SOX5: variants seen among roughly 807,000 people sequenced by gnomAD.
The protein encoded by SOX5 is SRY-box transcription factor 5, also known as transcription factor SOX-5.
In SOX5, 9 loss-of-function variants were observed where a neutral mutation model predicts 92.0. The ratio of observed to expected loss-of-function variants is 0.10; its 90% confidence interval spans 0.06 to 0.17. The LOEUF (loss-of-function observed/expected upper bound fraction) is 0.17. Ranked by LOEUF, SOX5 falls within the 10% of genes least tolerant of loss-of-function variation. The pLI is 1.00. For missense variants in SOX5, 642 were observed against 944.5 expected (o/e 0.68, Z 4.20); for synonymous variants, 344 against 336.3 (o/e 1.02, Z -0.25).
chr12:24,301,128 G>T (rs540985398), intron 2 of SOX5, among the ~76,000 whole-genome samples: 1 of 152,188 alleles, frequency 6.6e-6, no homozygotes, highest in South Asian at 2.1e-4. Flanking sequence ...CAAGCAGCCC[G>T]CAAGCTCTGC....
rs565264456 is a variant in SOX5 at position 23,877,074 on chromosome 12, T to C, written c.270+18719A>G. 3.9e-5 allele frequency among the ~76,000 whole-genome samples: 6 copies of C among 152,260 alleles called. No individual in the cohort carries two copies. In the East Asian group the frequency reaches 1.2e-3, roughly 29 times the overall value. On this transcript the variant is annotated intron_variant, in intron 2 of 14. Coordinates refer to ENST00000451604, the MANE Select transcript of SOX5 (RefSeq NM_006940.6). The stretch of plus-strand genomic sequence containing the variant: ...GGTTGATGGGTACAGCATACCACTA[T>C]GGCACCTGTATACCTATGTAACAAA...
intron 1 of SOX5, among the ~76,000 whole-genome samples, chr12:24,551,535 G>A (rs1050215034): frequency 9.9e-5 from 15 of 152,142 alleles, no homozygotes; most frequent in African/African-American, 3.6e-4. Flanking sequence ...AAGCGCTGTC[G>A]TTTGTTCAAT....
At chr12:24,376,125 C>T (rs907881245) in intron 1 of SOX5, among the ~76,000 whole-genome samples, 4 of 152,348 alleles carry the variant, frequency 2.6e-5, no homozygotes, top group Admixed American at 2.0e-4. Flanking sequence ...AAATCTAAAA[C>T]TGTCATAAAT....
At chr12:24,451,877 A>T (rs1942363577) in intron 1 of SOX5, among the ~76,000 whole-genome samples, 1 of 152,250 alleles carries the variant, frequency 6.6e-6, no homozygotes, top group Admixed American at 6.5e-5. Flanking sequence ...TATAGATGCC[A>T]TTAGAAAAGT....
At chr12:23,543,485 A>C in intron 12 of SOX5, 101 bp from the exon 13 acceptor site, 1 of 860,852 alleles carries the variant, frequency 1.2e-6, no homozygotes, top group Non-Finnish European at 1.8e-6. Context: ...TGAAAAGAAA[A>C]AGTACTTCTG....
intron 3 of SOX5, among the ~76,000 whole-genome samples, chr12:23,826,793 T>C (rs1047484453): frequency 2.2e-4 from 34 of 152,222 alleles, no homozygotes; most frequent in Admixed American, 1.4e-3. Flanking sequence ...GTCTTCCACA[T>C]GACTAATGTC....
At chr12:24,051,943 C>T (rs1463353321) in intron 4 of SOX5, among the ~76,000 whole-genome samples, 1 of 152,146 alleles carries the variant, frequency 6.6e-6, no homozygotes, top group Non-Finnish European at 1.5e-5. Context: ...TATCAATATC[C>T]ATTTAATTTC....
At chr12:24,022,123 T>C (rs7134700) in intron 4 of SOX5, among the ~76,000 whole-genome samples, 7,198 of 152,200 alleles carry the variant, frequency 0.047, 200 homozygotes, top group Admixed American at 0.066. Context: ...GTGAGACAGA[T>C]CATAAACAAA....
chr12:24,167,869 G>A (rs1168089199), intron 4 of SOX5, among the ~76,000 whole-genome samples: 4 of 152,170 alleles, frequency 2.6e-5, no homozygotes, highest in Non-Finnish European at 5.9e-5. Flanking sequence ...AGGGCAAGGT[G>A]GGGCTGAGAG....
intron 2 of SOX5, among the ~76,000 whole-genome samples, chr12:24,364,116 G>C (rs1355154926): frequency 6.6e-6 from 1 of 152,108 alleles, no homozygotes; most frequent in African/African-American, 2.4e-5. Context: ...GAGTCCTAAA[G>C]TGAAACTCAA....
chr12:23,853,923 A>AT (rs1191624056), intron 2 of SOX5, among the ~76,000 whole-genome samples: 2 of 152,110 alleles, frequency 1.3e-5, no homozygotes, highest in South Asian at 4.1e-4. Flanking sequence ...AAATCAAAAC[A>AT]TTTTCCTTTT....
chr12:23,874,550 T>C (rs1443185641), intron 2 of SOX5, among the ~76,000 whole-genome samples: 2 of 152,190 alleles, frequency 1.3e-5, no homozygotes, highest in African/African-American at 4.8e-5. Flanking sequence ...CAGTAAAGAC[T>C]TGTCATGTAA....
At chr12:23,569,215 T>G (rs1947707093) in intron 10 of SOX5, among the ~76,000 whole-genome samples, 1 of 151,988 alleles carries the variant, frequency 6.6e-6, no homozygotes, top group African/African-American at 2.4e-5. Flanking sequence ...AAATATCTAT[T>G]TATCTCTCTA....
At chr12:24,123,789 AG>A (rs1948848490) in intron 4 of SOX5, among the ~76,000 whole-genome samples, 1 of 152,232 alleles carries the variant, frequency 6.6e-6, no homozygotes, top group Admixed American at 6.5e-5. Flanking sequence ...TGTGTACCAA[AG>A]CAAACTGCAT....
chr12:23,633,102 C>A (rs2078764818), intron 8 of SOX5, among the ~76,000 whole-genome samples: 1 of 151,974 alleles, frequency 6.6e-6, no homozygotes, highest in South Asian at 2.1e-4. Context: ...TTGGAGTCAA[C>A]ATTTTTGGCT....
At chr12:23,828,763 A>G (rs572866754) in intron 3 of SOX5, among the ~76,000 whole-genome samples, 1 of 152,282 alleles carries the variant, frequency 6.6e-6, no homozygotes, top group South Asian at 2.1e-4. Context: ...CAAAAAAAAA[A>G]AAAAGCACTT....
chr12:23,844,931 C>G (rs1464157165), intron 3 of SOX5, among the ~76,000 whole-genome samples: 3 of 152,176 alleles, frequency 2.0e-5, no homozygotes, highest in Non-Finnish European at 4.4e-5. Context: ...ACAAGAATAT[C>G]TCTAAAATTC....
rs1555390704 is a variant in SOX5, at chr12:23,860,964, A to ACAAAC, written c.271-14772_271-14771insGTTTG. Among the ~76,000 whole-genome samples the ACAAAC allele has an allele frequency of 6.8e-4, 74 of 108,376 alleles. No homozygotes were observed. The East Asian group carries it at 0.011, about 16-fold the overall frequency. The allele number at this position is 108,376 out of a possible 152,430, so 71.1% of individuals were successfully genotyped here. Reference sequence around the variant, plus strand: ...AAAGTATATTTTGTAAAAAAAAAAAAAAAAAAAAAAAAAACCCTGCCAACA... The same window carrying ACAAAC: ...AAAGTATATTTTGTAAAAAAAAAAAACAAACAAAAAAAAAAAAAACCCTGCCAACA... On this transcript the variant is annotated intron_variant, in intron 2 of 14. Transcript: ENST00000451604.
chr12:23,674,983 T>G (rs1269402222), intron 6 of SOX5, among the ~76,000 whole-genome samples: 1 of 152,136 alleles, frequency 6.6e-6, no homozygotes, highest in Non-Finnish European at 1.5e-5. Flanking sequence ...AGATCTTAAA[T>G]TGTTAGTCGG....
Sources: gnomAD v4.1 joint callset for allele counts (sites outside exome capture counted in the v4.1 genomes callset) on GRCh38, gnomAD v4.1.1 for gene constraint, MANE v1.5 for transcripts, NCBI Gene and HGNC (gene_info 2026-07-23, HGNC 2026-07-21) for gene names.